The following RNF111 variants were observed in gnomAD, a reference collection of about 807,000 sequenced individuals.
RNF111 encodes the protein ring finger protein 111.
Under a neutral mutation model 95.1 loss-of-function variants are expected in RNF111, and 17 were observed. The observed-to-expected ratio is 0.18, with a 90% CI of 0.12 to 0.27. RNF111 has a LOEUF of 0.27. RNF111 is among the 10% of genes least tolerant of loss of function. The pLI is 1.00. For missense variants in RNF111, 1,189 were observed against 1,210.4 expected, an observed-to-expected ratio of 0.98 and a Z score of 0.26; for synonymous variants, 440 against 414.8, an observed-to-expected ratio of 1.06 and a Z score of -0.74.
chr15:59,093,878 T>C (rs2079125887), intron 13 of RNF111, among the ~76,000 whole-genome samples: 1 of 152,224 alleles, frequency 6.6e-6, no homozygotes, highest in Admixed American at 6.5e-5. Flanking sequence ...ATTTGGAACT[T>C]AATTGCTTTT....
intron 6 of RNF111, among the ~76,000 whole-genome samples, chr15:59,072,733 T>G (rs1265653212): frequency 6.6e-6 from 1 of 152,094 alleles, no homozygotes; most frequent in African/African-American, 2.4e-5. Context: ...ATTACAGGCG[T>G]GAGCCACCAC....
At position 59,058,551 on chromosome 15, in the gene RNF111, G is replaced by A; in HGVS notation, c.1366+1G>A. 6.2e-7 allele frequency: 1 copy of A among 1,613,608 alleles called. No homozygotes were observed. Among genetic ancestry groups the A allele is most frequent in the Non-Finnish European group, 8.5e-7 (1 of 1,179,586 alleles). On this transcript the variant is annotated splice_donor_variant, in intron 5 of 13. Coordinates refer to ENST00000348370, the MANE Select transcript of RNF111 (RefSeq NM_017610.8). LOFTEE classifies it high-confidence loss of function. ...AGTACCACTGGCACTTCTATAGGAG[G>A]TATGTAAAAAAGTGGGGGAGGGGAG...
At chr15:59,058,015 A>G (rs1461738146) in intron 4 of RNF111, among the ~76,000 whole-genome samples, 4 of 152,246 alleles carry the variant, frequency 2.6e-5, no homozygotes, top group African/African-American at 9.6e-5. Flanking sequence ...GACCATGTGT[A>G]CGTGCATAGT....
At chr15:59,017,881 C>T (rs572489329) in intron 1 of RNF111, among the ~76,000 whole-genome samples, 1 of 151,686 alleles carries the variant, frequency 6.6e-6, no homozygotes, top group South Asian at 2.1e-4. Context: ...CTTCAGCCTC[C>T]CGAGTAGCTG....
intron 2 of RNF111, among the ~76,000 whole-genome samples, chr15:59,039,783 A>G (rs1201264459): frequency 6.7e-6 from 1 of 150,242 alleles, no homozygotes; most frequent in African/African-American, 2.5e-5. Context: ...GTGGTGCGAT[A>G]TTGGCTCAGT....
intron 10 of RNF111, among the ~76,000 whole-genome samples, chr15:59,088,260 A>C (rs1180627456): frequency 6.6e-6 from 1 of 152,156 alleles, no homozygotes; most frequent in Non-Finnish European, 1.5e-5. Context: ...CGAATAGGAG[A>C]AAAGCTCATC....
intron 1 of RNF111, among the ~76,000 whole-genome samples, chr15:59,022,107 G>A (rs1017154156): frequency 4.6e-5 from 7 of 152,030 alleles, no homozygotes; most frequent in Admixed American, 6.6e-5. Context: ...TGATCTCCCC[G>A]CCTTGGCCGC....
At chr15:58,989,615 G>A (rs1205651294) in intron 1 of RNF111, among the ~76,000 whole-genome samples, 2 of 152,168 alleles carry the variant, frequency 1.3e-5, no homozygotes, top group African/African-American at 4.8e-5. Flanking sequence ...GGTTTTTAAA[G>A]AAAGGTATAA....
At chr15:59,024,398 G>C (rs1421431770) in intron 1 of RNF111, among the ~76,000 whole-genome samples, 1 of 152,144 alleles carries the variant, frequency 6.6e-6, no homozygotes, top group Non-Finnish European at 1.5e-5. Context: ...TGAGATTCCT[G>C]CTTCCTTGGA....
At chr15:59,064,238 A>G (rs1363344481) in intron 5 of RNF111, among the ~76,000 whole-genome samples, 3 of 152,132 alleles carry the variant, frequency 2.0e-5, no homozygotes, top group East Asian at 1.9e-4. Flanking sequence ...TATTTGTTCT[A>G]AAAAGTAAAT....
At chr15:59,037,888 C>T (rs1460935024) in intron 2 of RNF111, among the ~76,000 whole-genome samples, 1 of 152,022 alleles carries the variant, frequency 6.6e-6, no homozygotes, top group East Asian at 1.9e-4. Context: ...TTCAAGGAAA[C>T]GTAAATGTCA....
intron 3 of RNF111, among the ~76,000 whole-genome samples, chr15:59,052,680 T>C (rs1438749849): frequency 6.7e-6 from 1 of 150,364 alleles, no homozygotes; most frequent in Non-Finnish European, 1.5e-5. Flanking sequence ...CCATAGTAGC[T>C]AGGACTGTAG....
At chr15:59,089,816 A>G (rs1171547371) in intron 11 of RNF111, 57 bp downstream of exon 11, 8 of 1,169,368 alleles carry the variant, frequency 6.8e-6, no homozygotes, top group South Asian at 1.2e-5. Flanking sequence ...CAGATTGAGT[A>G]TATATATACT....
intron 1 of RNF111, among the ~76,000 whole-genome samples, chr15:59,025,381 A>G (rs1374323765): frequency 5.9e-5 from 9 of 152,204 alleles, no homozygotes; most frequent in African/African-American, 1.9e-4. Flanking sequence ...GTCCATAGTG[A>G]TACTTTTGAG....
intron 6 of RNF111, among the ~76,000 whole-genome samples, chr15:59,069,073 CA>C (rs397853868): frequency 0.16 from 14,315 of 89,406 alleles, 703 homozygotes; most frequent in African/African-American, 0.28. Flanking sequence ...GACTCCGTCT[CA>C]AAAAAAAAAA....
chr15:59,037,626 C>G (rs2041242249), intron 2 of RNF111, among the ~76,000 whole-genome samples: 2 of 152,080 alleles, frequency 1.3e-5, no homozygotes. Flanking sequence ...CACCTGAGGT[C>G]TGGAGTTCGA....
intron 2 of RNF111, among the ~76,000 whole-genome samples, chr15:59,040,634 A>G (rs2041404710): frequency 6.6e-6 from 1 of 152,216 alleles, no homozygotes; most frequent in African/African-American, 2.4e-5. Flanking sequence ...CTTGTCGTAT[A>G]TATGCCATAA....
At chr15:59,023,960 A>C (rs181392911) in intron 1 of RNF111, among the ~76,000 whole-genome samples, 12 of 152,238 alleles carry the variant, frequency 7.9e-5, no homozygotes, top group Non-Finnish European at 1.6e-4. Flanking sequence ...AATATTTCCT[A>C]TTCTCCAAGA....
rs187458896 is a variant in RNF111 at position 58,989,138 on chromosome 15, T to G, written c.-20+1070T>G. On this transcript the variant is annotated intron_variant, in intron 1 of 13. Coordinates refer to ENST00000348370, the MANE Select transcript of RNF111 (RefSeq NM_017610.8). The stretch of plus-strand genomic sequence containing the variant: ...ACTTCTGTAACGCTGGACTTAGCTT[T>G]ATTACAGTAAAGATACATCTTTTGA... Among the ~76,000 whole-genome samples the G allele has an allele frequency of 2.1e-4, 32 of 152,346 alleles. No homozygotes were observed. The East Asian group carries it at 4.6e-3, about 22-fold the overall frequency.
Sources: allele counts gnomAD v4.1 joint callset (sites outside exome capture counted in the v4.1 genomes callset), GRCh38; gene constraint gnomAD v4.1.1; transcripts MANE v1.5; gene names NCBI Gene and HGNC (gene_info 2026-07-23, HGNC 2026-07-21).